Variants in POLI observed in about 807,000 individuals in gnomAD.
POLI encodes DNA polymerase iota.
POLI carries 58 observed loss-of-function variants against 51.6 expected under a neutral mutation model. The observed-to-expected ratio is 1.12, with a 90% CI of 0.91 to 1.40. The LOEUF is 1.40. Among genes scored for constraint, POLI ranks in the 40% most tolerant of loss-of-function variants. The pLI is 0.00. For missense variants in POLI, 921 were observed against 871.3 expected (o/e 1.06, Z -0.72); for synonymous variants, 322 against 299.7 (o/e 1.07, Z -0.77).
intron 7 of POLI, among the ~76,000 whole-genome samples, chr18:54,285,573 TTTG>T (rs992828224): frequency 6.6e-6 from 1 of 151,840 alleles, no homozygotes; most frequent in African/African-American, 2.4e-5. Flanking sequence ...TATAATTAGT[TTTG>T]TTTTCTCTAG....
chr18:54,273,825 CTGAT>C (rs1201494790), intron 2 of POLI, 97 bp from the exon 3 acceptor site: 7 of 614,812 alleles, frequency 1.1e-5, no homozygotes, highest in South Asian at 4.5e-5. Flanking sequence ...CTTATCAAAA[CTGAT>C]TGTCTTACAA....
At chr18:54,281,056 A>C (rs533166325) in intron 5 of POLI, among the ~76,000 whole-genome samples, 153 bp downstream of exon 5, 1 of 152,188 alleles carries the variant, frequency 6.6e-6, no homozygotes, top group East Asian at 1.9e-4. Flanking sequence ...CCTGGAAAAA[A>C]CTAAGAAAAA....
In POLI at chr18:54,273,937, A is replaced by T. The variant is rs376609347; in HGVS notation, c.253A>T (p.Lys85Ter). 56 of 1,539,684 alleles carry T rather than the reference A, an allele frequency of 3.6e-5. No individual in the cohort carries two copies. The highest frequency in any genetic ancestry group is 4.7e-5 in the Non-Finnish European group (54 of 1,144,652). ...AATATTTTTTACAGGGGTTCAACAG[A>T]AATATTTGGTGGTTACCTGCAACTA... ...LKDKPLGVQQ[K>*]YLVVTCNYEA... is the part of the protein sequence containing the mutation. The change falls in exon 3 of 10, where the codon AAA becomes TAA. Residue 85 changes from lysine to a stop codon, truncating the protein, a stop_gained. Coordinates refer to ENST00000579534, the MANE Select transcript of POLI (RefSeq NM_007195.3). LOFTEE classifies it high-confidence loss of function.
chr18:54,279,865 A>G (rs2087419832), intron 4 of POLI, among the ~76,000 whole-genome samples: 1 of 152,212 alleles, frequency 6.6e-6, no homozygotes. Context: ...GTTAAGATTT[A>G]GATCTTTAAA....
chr18:54,306,594 G>C (rs2088590021), intron 3 of POLI, among the ~76,000 whole-genome samples: 1 of 152,116 alleles, frequency 6.6e-6, no homozygotes, highest in Non-Finnish European at 1.5e-5. Context: ...CCCCTAAAAT[G>C]AGTTAGGGAG....
At chr18:54,319,458 G>C (rs913330817) in intron 3 of POLI, among the ~76,000 whole-genome samples, 4 of 152,080 alleles carry the variant, frequency 2.6e-5, no homozygotes, top group Non-Finnish European at 4.4e-5. Context: ...TTTATATTTA[G>C]TTAAATATAA....
chr18:54,313,384 A>T (rs1276863131), intron 3 of POLI, among the ~76,000 whole-genome samples: 3 of 152,190 alleles, frequency 2.0e-5, no homozygotes, highest in African/African-American at 7.2e-5. Flanking sequence ...GAAGTCAAGT[A>T]ATATGATGTC....
Position 54,296,864 on chromosome 18 carries a change from A to C in POLI, c.*2397A>C. Reference sequence around the variant, plus strand: ...GTCTGTTTCTAATTTTTAAAAGTCAAATATATGATATTTTTGATAATTTCA... The same window carrying C: ...GTCTGTTTCTAATTTTTAAAAGTCACATATATGATATTTTTGATAATTTCA... On this transcript the variant is annotated 3_prime_UTR_variant, in exon 10 of 10. Transcript: ENST00000579534. 1.2e-6 allele frequency: 1 copy of C among 834,184 alleles called. No individual in the cohort carries two copies. The highest frequency in any genetic ancestry group is 1.4e-6 in the Non-Finnish European group (1 of 693,174). 51.7% of individuals were successfully genotyped at this position (834,184 alleles called of 1,614,324 possible). A position where few individuals can be genotyped will look rare whatever the true frequency, so the allele number is the denominator to read the frequency against.
At position 54,294,523 on chromosome 18, in the gene POLI, C is replaced by A; in HGVS notation, c.*56C>A. 6.7e-7 allele frequency: 1 copy of A among 1,503,344 alleles called. No homozygotes were observed. The allele number at this position is 1,503,344 out of a possible 1,614,324, so 93.1% of individuals were successfully genotyped here. On this transcript the variant is annotated 3_prime_UTR_variant, in exon 10 of 10. Transcript: ENST00000579534. ...GGGAATACCATTATTTTCGGATTAG[C>A]GGTTTATTAAGCTCTTCTATATTAA... is the stretch of plus-strand genomic sequence containing the variant.
In POLI at chr18:54,283,990, A is replaced by T; in HGVS notation, c.1044A>T (p.Glu348Asp). ...TTGAAGCTAAAAATAAGATTGAAGA[A>T]CTACTTGCTAGTCTTTTAAACAGGT... ...SEVEAKNKIE[E>D]LLASLLNRVC... Residue 348 changes from glutamate (E) to aspartate (D), a missense_variant, in exon 7 of 10, where the codon GAA becomes GAT. Transcript: ENST00000579534. The T allele has an allele frequency of 6.9e-7, 1 of 1,458,116 alleles. No homozygotes were observed. The highest frequency in any genetic ancestry group is 1.2e-5 in the South Asian group (1 of 84,392). The allele number at this position is 1,458,116 out of a possible 1,614,324, so 90.3% of individuals were successfully genotyped here.
downstream of POLI, among the ~76,000 whole-genome samples, chr18:54,298,641 A>T (rs1478701705): frequency 8.0e-6 from 1 of 125,204 alleles, no homozygotes; most frequent in Non-Finnish European, 1.6e-5. Flanking sequence ...CCCAGGTTGG[A>T]GTGCAAAGGT....
intron 3 of POLI, among the ~76,000 whole-genome samples, chr18:54,319,298 A>G (rs1246713990): frequency 6.6e-6 from 1 of 152,158 alleles, no homozygotes; most frequent in Non-Finnish European, 1.5e-5. Flanking sequence ...CTTAACTGAT[A>G]TAATAATGTT....
rs2088218505 is a variant in POLI, at chr18:54,294,710, G to C, written c.*243G>C. ...ATTTTATATTACTTTTCAATAAAAA[G>C]AATATCATGGTCAACATAGAATATT... On this transcript the variant is annotated 3_prime_UTR_variant, in exon 10 of 10. Coordinates refer to ENST00000579534, the MANE Select transcript of POLI (RefSeq NM_007195.3). The C allele has an allele frequency of 9.3e-7, 1 of 1,078,628 alleles. No homozygotes were observed. Among genetic ancestry groups the C allele is most frequent in the Non-Finnish European group, 1.1e-6 (1 of 882,130 alleles). The allele number at this position is 1,078,628 out of a possible 1,614,324, so 66.8% of individuals were successfully genotyped here. A position where few individuals can be genotyped will look rare whatever the true frequency, so the allele number is the denominator to read the frequency against.
In POLI at chr18:54,297,069, T is replaced by G. The variant is rs113581790; in HGVS notation, c.*2602T>G. On this transcript the variant is annotated 3_prime_UTR_variant, in exon 10 of 10. Coordinates refer to ENST00000579534, the MANE Select transcript of POLI (RefSeq NM_007195.3). The stretch of plus-strand genomic sequence containing the variant: ...AGGTGGTACAAACTCCTTGGCATAC[T>G]CTATTCACCTTTGTGGATCCTGATT... 3.8e-5 allele frequency: 37 copies of G among 985,400 alleles called. No individual in the cohort carries two copies. The East Asian group carries it at 1.1e-3, about 30-fold the overall frequency. The allele number at this position is 985,400 out of a possible 1,614,324, so 61.0% of individuals were successfully genotyped here. A position where few individuals can be genotyped will look rare whatever the true frequency, so the allele number is the denominator to read the frequency against.
chr18:54,303,957 T>C (rs1309848723), intron 3 of POLI, among the ~76,000 whole-genome samples: 1 of 149,006 alleles, frequency 6.7e-6, no homozygotes, highest in Admixed American at 6.7e-5. Flanking sequence ...TTCCCTGCCC[T>C]GTGTCCAAGT....
chr18:54,283,206 T>G (rs571156375), intron 6 of POLI, among the ~76,000 whole-genome samples, 191 bp downstream of exon 6: 1 of 152,264 alleles, frequency 6.6e-6, no homozygotes, highest in Non-Finnish European at 1.5e-5. Context: ...AGCATTGATA[T>G]TTTGATATCT....
At chr18:54,303,918 C>T (rs1378568411) in intron 3 of POLI, among the ~76,000 whole-genome samples, 1 of 151,938 alleles carries the variant, frequency 6.6e-6, no homozygotes, top group Non-Finnish European at 1.5e-5. Context: ...CCCCATCCCC[C>T]CACCCCACAA....
chr18:54,308,885 C>G (rs2088629836), intron 3 of POLI, among the ~76,000 whole-genome samples: 1 of 152,204 alleles, frequency 6.6e-6, no homozygotes, highest in Admixed American at 6.5e-5. Flanking sequence ...GCTACTGAAG[C>G]TTGTGCATGC....
chr18:54,283,073 A>C, intron 6 of POLI, 58 bp downstream of exon 6: 1 of 1,155,022 alleles, frequency 8.7e-7, no homozygotes, highest in Non-Finnish European at 1.2e-6. Context: ...TGAGATAAAG[A>C]TTTCTAGTTT....
Sources: gnomAD v4.1 joint callset for allele counts (sites outside exome capture counted in the v4.1 genomes callset) on GRCh38, gnomAD v4.1.1 for gene constraint, MANE v1.5 for transcripts, NCBI Gene and HGNC (gene_info 2026-07-23, HGNC 2026-07-21) for gene names.